NCAM2: variants seen among roughly 807,000 people sequenced by gnomAD.
NCAM2 encodes the protein neural cell adhesion molecule 2.
In NCAM2, 30 loss-of-function variants were observed where a neutral mutation model predicts 98.1. The ratio of observed to expected loss-of-function variants is 0.31; its 90% CI spans 0.23 to 0.41. The LOEUF (loss-of-function observed/expected upper bound fraction) is 0.41. Among genes scored for constraint, NCAM2 ranks in the 10% least tolerant of loss-of-function variants. The pLI is 1.00. For missense variants in NCAM2, 867 were observed against 1,005.8 expected (o/e 0.86, Z 1.87); for synonymous variants, 368 against 342.4 (o/e 1.07, Z -0.83).
In NCAM2 at chr21:21,385,730, T is replaced by C. The variant is rs561890089; in HGVS notation, c.1195+11717T>C. 7.5e-5 allele frequency: 82 copies of C among 1,098,570 alleles called. No individual in the cohort carries two copies. In the South Asian group the frequency reaches 9.2e-4, roughly 12 times the overall value. The allele number at this position is 1,098,570 out of a possible 1,614,324, so 68.1% of individuals were successfully genotyped here. A position where few individuals can be genotyped will look rare whatever the true frequency, so the allele number is the denominator to read the frequency against. On this transcript the variant is annotated intron_variant, in intron 9 of 17. Coordinates refer to ENST00000400546, the MANE Select transcript of NCAM2 (RefSeq NM_004540.5). ...CAAAGGAGAAAACAGGCATGTGATA[T>C]ACAGTTTAATGCAGTAAGCACTGGT...
In NCAM2 at chr21:21,123,848, C is replaced by CTTTTTTTTTTTTTTTTTTTTTTTTT. The variant is rs71193401; in HGVS notation, c.55+125247_55+125248insTTTTTTTTTTTTTTTTTTTTTTTTT. Among the ~76,000 whole-genome samples, 22 of 86,666 alleles carry CTTTTTTTTTTTTTTTTTTTTTTTTT rather than the reference C, an allele frequency of 2.5e-4. 1 individual carries two copies. Among genetic ancestry groups the CTTTTTTTTTTTTTTTTTTTTTTTTT allele is most frequent in the East Asian group, 1.2e-3 (3 of 2,546 alleles). The allele number at this position is 86,666 out of a possible 152,430, so 56.9% of individuals were successfully genotyped here. On this transcript the variant is annotated intron_variant, in intron 1 of 17. Transcript: ENST00000400546. ...GCACATTTGAATTCATTCTTGATTG[C>CTTTTTTTTTTTTTTTTTTTTTTTTT]TTTTTTTTTTTTTTTTTGAGACGGA...
intron 9 of NCAM2, among the ~76,000 whole-genome samples, chr21:21,403,425 G>A (rs2076673160): frequency 6.6e-6 from 1 of 152,098 alleles, no homozygotes; most frequent in Admixed American, 6.6e-5. Context: ...TTGGGACAGT[G>A]GTTGCCCTCC....
At chr21:21,252,655 CA>C (rs2071518176) in intron 1 of NCAM2, among the ~76,000 whole-genome samples, 1 of 152,122 alleles carries the variant, frequency 6.6e-6, no homozygotes, top group African/African-American at 2.4e-5. Context: ...GCTATTTCCA[CA>C]CCCGTACACT....
At chr21:21,369,531 T>C (rs1360767495) in intron 8 of NCAM2, among the ~76,000 whole-genome samples, 2 of 151,842 alleles carry the variant, frequency 1.3e-5, no homozygotes, top group Non-Finnish European at 2.9e-5. Context: ...TGTCAAACAT[T>C]TTATACAAAA....
intron 1 of NCAM2, among the ~76,000 whole-genome samples, chr21:21,036,937 C>G (rs1370012532): frequency 1.3e-5 from 2 of 152,202 alleles, no homozygotes; most frequent in Non-Finnish European, 2.9e-5. Flanking sequence ...TTTTTCTCTA[C>G]AGAAGCAAAT....
chr21:21,413,554 A>G (rs1039792789), intron 10 of NCAM2, among the ~76,000 whole-genome samples: 1 of 152,198 alleles, frequency 6.6e-6, no homozygotes. Context: ...AATAAAGTAA[A>G]TATCTCTATA....
chr21:21,218,912 A>C (rs1414073204), intron 1 of NCAM2, among the ~76,000 whole-genome samples: 1 of 152,174 alleles, frequency 6.6e-6, no homozygotes, highest in Non-Finnish European at 1.5e-5. Flanking sequence ...GCGTGGTGGC[A>C]CATGCCTGTA....
intron 1 of NCAM2, among the ~76,000 whole-genome samples, chr21:21,229,264 T>C (rs896344402): frequency 2.6e-5 from 4 of 151,586 alleles, no homozygotes; most frequent in African/African-American, 9.7e-5. Context: ...ATGTTTGATT[T>C]GCTGCATTGC....
intron 7 of NCAM2, among the ~76,000 whole-genome samples, chr21:21,335,919 G>A (rs978900028): frequency 6.6e-6 from 1 of 152,010 alleles, no homozygotes; most frequent in Non-Finnish European, 1.5e-5. Flanking sequence ...CACCTAGTGG[G>A]GTTTGTCATC....
intron 1 of NCAM2, among the ~76,000 whole-genome samples, chr21:21,120,145 G>C (rs900216116): frequency 6.6e-6 from 1 of 152,206 alleles, no homozygotes; most frequent in Non-Finnish European, 1.5e-5. Flanking sequence ...GAGAATGAAA[G>C]ACTTTGCAAG....
At chr21:21,254,014 A>G (rs2071569073) in intron 1 of NCAM2, among the ~76,000 whole-genome samples, 1 of 152,218 alleles carries the variant, frequency 6.6e-6, no homozygotes, top group Admixed American at 6.5e-5. Context: ...TTAAGAATCA[A>G]AAAGGAGAAT....
At chr21:21,051,267 AGCT>A (rs1179249704) in intron 1 of NCAM2, among the ~76,000 whole-genome samples, 1 of 3,550 alleles carries the variant, frequency 2.8e-4, no homozygotes, top group African/African-American at 3.6e-4. Flanking sequence ...CCATGAAGCT[AGCT>A]AGCCAAGAGT....
intron 1 of NCAM2, among the ~76,000 whole-genome samples, chr21:21,255,473 A>G (rs1365867198): frequency 6.6e-6 from 1 of 152,226 alleles, no homozygotes; most frequent in Admixed American, 6.5e-5. Flanking sequence ...TGCTGTCATT[A>G]TACTGTATCC....
intron 1 of NCAM2, among the ~76,000 whole-genome samples, chr21:21,177,563 T>A (rs936384894): frequency 2.0e-5 from 3 of 152,074 alleles, no homozygotes; most frequent in Non-Finnish European, 4.4e-5. Context: ...GAATAGCACA[T>A]GTCACATATA....
intron 1 of NCAM2, among the ~76,000 whole-genome samples, chr21:21,162,772 A>G (rs1205662383): frequency 6.6e-6 from 1 of 152,164 alleles, no homozygotes; most frequent in Non-Finnish European, 1.5e-5. Context: ...AAAACCTGTC[A>G]GATTACCCAA....
chr21:21,116,867 A>G (rs528438925), intron 1 of NCAM2, among the ~76,000 whole-genome samples: 4 of 152,146 alleles, frequency 2.6e-5, no homozygotes, highest in South Asian at 4.1e-4. Context: ...AAGAAAAAAA[A>G]AAAAGAAAAG....
chr21:21,235,312 A>G (rs1194741741), intron 1 of NCAM2, among the ~76,000 whole-genome samples: 1 of 152,044 alleles, frequency 6.6e-6, no homozygotes, highest in Admixed American at 6.6e-5. Context: ...AGTACTTGAG[A>G]TTGAAATGTT....
At chr21:21,370,303 CT>C (rs2075886950) in intron 8 of NCAM2, among the ~76,000 whole-genome samples, 3 of 151,636 alleles carry the variant, frequency 2.0e-5, no homozygotes. Context: ...ACCCATTTTT[CT>C]TTTTTTATAT....
intron 1 of NCAM2, among the ~76,000 whole-genome samples, chr21:21,262,511 G>C (rs1203469699): frequency 1.3e-5 from 2 of 151,830 alleles, no homozygotes; most frequent in East Asian, 3.9e-4. Flanking sequence ...AATAATAAGA[G>C]CTATATTTGA....
Sources: gnomAD v4.1 joint callset for allele counts (sites outside exome capture counted in the v4.1 genomes callset) on GRCh38, gnomAD v4.1.1 for gene constraint, MANE v1.5 for transcripts, NCBI Gene and HGNC (gene_info 2026-07-23, HGNC 2026-07-21) for gene names.